THRB: variants seen among roughly 807,000 people sequenced by gnomAD.
The protein encoded by THRB is nuclear receptor subfamily 1 group A member 2.
A neutral mutation model predicts 47.8 loss-of-function variants in THRB; 12 were observed. The observed-to-expected ratio is 0.25, with a 90% CI of 0.16 to 0.41. The LOEUF (loss-of-function observed/expected upper bound fraction) is 0.41. Ranked by LOEUF, THRB falls within the 10% of genes least tolerant of loss-of-function variation. The pLI, the probability that THRB is intolerant of heterozygous loss-of-function variation, is 1.00. For missense variants in THRB, 348 were observed against 589.2 expected (o/e 0.59, Z 4.24); for synonymous variants, 218 against 212.2 (o/e 1.03, Z -0.24).
chr3:24,324,498 A>T (rs902968294), intron 2 of THRB, among the ~76,000 whole-genome samples: 3 of 152,088 alleles, frequency 2.0e-5, no homozygotes, highest in South Asian at 2.1e-4. Context: ...ACTAGATGTC[A>T]TTTGCCCATC....
chr3:24,229,248 T>C (rs1334073411), intron 3 of THRB, among the ~76,000 whole-genome samples: 1 of 152,194 alleles, frequency 6.6e-6, no homozygotes, highest in Non-Finnish European at 1.5e-5. Flanking sequence ...CAAGCGCACA[T>C]TTTTCCATCT....
intron 4 of THRB, among the ~76,000 whole-genome samples, chr3:24,205,495 AG>A (rs1409274059): frequency 2.0e-5 from 3 of 152,258 alleles, no homozygotes; most frequent in Admixed American, 2.0e-4. Context: ...GAGCTCCTGA[AG>A]GAAGCACTAA....
chr3:24,479,280 G>C (rs1388595633), intron 1 of THRB, among the ~76,000 whole-genome samples: 1 of 152,170 alleles, frequency 6.6e-6, no homozygotes, highest in Non-Finnish European at 1.5e-5. Context: ...CCAGTCTGGG[G>C]GACAGAGCGA....
chr3:24,128,561 G>C (rs1045855551), intron 9 of THRB, among the ~76,000 whole-genome samples: 3 of 152,166 alleles, frequency 2.0e-5, no homozygotes, highest in African/African-American at 7.2e-5. Flanking sequence ...TTTCTGGAAG[G>C]GGAGACTATT....
At chr3:24,385,925 A>G (rs925572119) in intron 1 of THRB, among the ~76,000 whole-genome samples, 14 of 152,192 alleles carry the variant, frequency 9.2e-5, no homozygotes, top group Admixed American at 9.2e-4. Flanking sequence ...GACCATAGCC[A>G]CAGTGGCAGG....
intron 5 of THRB, among the ~76,000 whole-genome samples, chr3:24,181,458 T>G (rs2041886332): frequency 6.6e-6 from 1 of 152,206 alleles, no homozygotes; most frequent in African/African-American, 2.4e-5. Flanking sequence ...CTGGGCAAAA[T>G]CCCTAAGATA....
chr3:24,356,485 G>A (rs1475724362), intron 1 of THRB, among the ~76,000 whole-genome samples: 1 of 152,110 alleles, frequency 6.6e-6, no homozygotes, highest in Non-Finnish European at 1.5e-5. Flanking sequence ...AAATCCAACA[G>A]GCTTCTTTCA....
At chr3:24,279,709 C>T (rs1353192086) in intron 3 of THRB, among the ~76,000 whole-genome samples, 2 of 152,020 alleles carry the variant, frequency 1.3e-5, no homozygotes, top group Non-Finnish European at 2.9e-5. Flanking sequence ...GCAATGAGTT[C>T]TTGTTCTACT....
chr3:24,390,494 T>C (rs2066478626), intron 1 of THRB, among the ~76,000 whole-genome samples: 1 of 152,164 alleles, frequency 6.6e-6, no homozygotes, highest in African/African-American at 2.4e-5. Flanking sequence ...CCCATTATAG[T>C]AATCCCACAA....
rs559325556 is a variant in THRB, at chr3:24,118,973, G to GTTTTT, written c.*3906_*3910dup. On this transcript the variant is annotated 3_prime_UTR_variant, in exon 11 of 11. Coordinates refer to ENST00000646209, the MANE Select transcript of THRB (RefSeq NM_001354712.2). ...GCCAAACCTTTTTTCCCCCAGTCTG[G>GTTTTT]TTTTTTTTTTTTTTTTTTTTTTTTT... 2.6e-3 allele frequency: 129 copies of GTTTTT among 49,482 alleles called. 1 individual carries two copies. The highest frequency in any genetic ancestry group is 5.1e-3 in the East Asian group (6 of 1,178). 3.1% of individuals were successfully genotyped at this position (49,482 alleles called of 1,614,324 possible). A position where few individuals can be genotyped will look rare whatever the true frequency, so the allele number is the denominator to read the frequency against.
chr3:24,448,976 A>G (rs143386427), intron 1 of THRB, among the ~76,000 whole-genome samples: 74 of 152,336 alleles, frequency 4.9e-4, no homozygotes, highest in African/African-American at 1.8e-3. Flanking sequence ...AAATAAGGTC[A>G]AGGACAGATG....
intron 1 of THRB, among the ~76,000 whole-genome samples, chr3:24,471,863 C>G (rs557984765): frequency 1.3e-5 from 2 of 152,280 alleles, no homozygotes; most frequent in East Asian, 3.9e-4. Flanking sequence ...AGAAACAATC[C>G]TTATGAGTAG....
rs1293216395 is a variant in THRB, at chr3:24,199,928, C to A, written c.23-9594G>T. 2.0e-5 allele frequency among the ~76,000 whole-genome samples: 3 copies of A among 152,112 alleles called. No homozygotes were observed. The East Asian group carries it at 5.8e-4, about 29-fold the overall frequency. ...AACAAGCTGACTGCTGAACACTGAC[C>A]AGAGGCCCTGAGCACTGGGAAAATA... On this transcript the variant is annotated intron_variant, in intron 4 of 10. Transcript: ENST00000646209.
At chr3:24,213,059 C>T (rs746875) in intron 4 of THRB, among the ~76,000 whole-genome samples, 23,710 of 152,024 alleles carry the variant, frequency 0.16, 4,273 homozygotes, top group African/African-American at 0.44. Context: ...TGGAGAACAG[C>T]AGCAAAAAAC....
chr3:24,454,102 C>CA (rs1192281462), intron 1 of THRB, among the ~76,000 whole-genome samples: 3 of 151,816 alleles, frequency 2.0e-5, no homozygotes, highest in African/African-American at 7.3e-5. Context: ...CTTGAATATA[C>CA]AAAAAACTCA....
At chr3:24,295,241 C>T (rs1377982759) in intron 3 of THRB, among the ~76,000 whole-genome samples, 1 of 152,140 alleles carries the variant, frequency 6.6e-6, no homozygotes. Context: ...TTGGAAAAGC[C>T]AAGTAATTAA....
intron 1 of THRB, among the ~76,000 whole-genome samples, chr3:24,490,541 A>G (rs1056137886): frequency 2.6e-5 from 4 of 152,146 alleles, no homozygotes; most frequent in Admixed American, 2.6e-4. Flanking sequence ...AAACCCACAC[A>G]TCGTGCCTCA....
intron 4 of THRB, among the ~76,000 whole-genome samples, chr3:24,227,243 G>A (rs368518033): frequency 6.7e-4 from 102 of 152,270 alleles, no homozygotes; most frequent in African/African-American, 1.8e-3. Context: ...ATTTTGCAGC[G>A]TGGCTACCTG....
intron 3 of THRB, among the ~76,000 whole-genome samples, chr3:24,245,634 C>A (rs1416251331): frequency 6.6e-6 from 1 of 152,166 alleles, no homozygotes; most frequent in African/African-American, 2.4e-5. Context: ...AGGGCCTGGT[C>A]AGGTGCAGTG....
Sources: allele counts gnomAD v4.1 joint callset (sites outside exome capture counted in the v4.1 genomes callset), GRCh38; gene constraint gnomAD v4.1.1; transcripts MANE v1.5; gene names NCBI Gene and HGNC (gene_info 2026-07-23, HGNC 2026-07-21).